The following CRTC3 variants were observed in gnomAD, a reference collection of about 807,000 sequenced individuals.
The protein encoded by CRTC3 is CREB-regulated transcription coactivator 3.
In CRTC3, 26 loss-of-function variants were observed where a neutral mutation model predicts 74.5. The ratio of observed to expected loss-of-function variants is 0.35; its 90% confidence interval spans 0.26 to 0.48. CRTC3 has a LOEUF of 0.48. Among genes scored for constraint, CRTC3 ranks in the 20% least tolerant of loss-of-function variants. The pLI is 0.99. For missense variants in CRTC3, 760 were observed against 787.3 expected, an observed-to-expected ratio of 0.97 and a Z score of 0.41; for synonymous variants, 377 against 325.8, an observed-to-expected ratio of 1.16 and a Z score of -1.69.
chr15:90,602,966 C>T (rs918238138), intron 4 of CRTC3, among the ~76,000 whole-genome samples: 1 of 151,712 alleles, frequency 6.6e-6, no homozygotes, highest in African/African-American at 2.4e-5. Context: ...GAGTGAGACT[C>T]CATCTCAAAA....
intron 2 of CRTC3, among the ~76,000 whole-genome samples, chr15:90,582,040 C>CG (rs1341240837): frequency 6.6e-6 from 1 of 152,150 alleles, no homozygotes; most frequent in Non-Finnish European, 1.5e-5. Flanking sequence ...GCCACTAGGC[C>CG]GGACTCCTGC....
At chr15:90,636,740 G>C (rs548358445) in intron 11 of CRTC3, among the ~76,000 whole-genome samples, 2 of 152,122 alleles carry the variant, frequency 1.3e-5, no homozygotes, top group African/African-American at 4.8e-5. Context: ...AAAAGTGGGC[G>C]AAGGATATGA....
intron 2 of CRTC3, among the ~76,000 whole-genome samples, chr15:90,586,116 C>T (rs1168293456): frequency 6.6e-6 from 1 of 152,144 alleles, no homozygotes; most frequent in African/African-American, 2.4e-5. Flanking sequence ...ATATGTGTTG[C>T]TCTTGCAGGA....
chr15:90,541,814 C>G (rs942785490), intron 2 of CRTC3, among the ~76,000 whole-genome samples: 4 of 115,334 alleles, frequency 3.5e-5, no homozygotes, highest in Non-Finnish European at 5.0e-5. Flanking sequence ...GAGATGGAGT[C>G]TCACTCTGTC....
rs1329885120 is a variant in CRTC3, at chr15:90,645,214, G to T, written c.*3074G>T. On this transcript the variant is annotated 3_prime_UTR_variant, in exon 15 of 15. Coordinates refer to ENST00000268184, the MANE Select transcript of CRTC3 (RefSeq NM_022769.5). ...GCAACTAATCAGACTTCCTGCCAGT[G>T]TCCTAACCCCCAGGGCACCCTGTTC... 4.4e-6 allele frequency: 1 copy of T among 229,328 alleles called. No homozygotes were observed. The highest frequency in any genetic ancestry group is 2.2e-5 in the African/African-American group (1 of 45,058). The allele number at this position is 229,328 out of a possible 1,614,324, so 14.2% of individuals were successfully genotyped here.
chr15:90,610,194 T>C (rs1056467621), intron 6 of CRTC3, among the ~76,000 whole-genome samples: 2 of 152,278 alleles, frequency 1.3e-5, no homozygotes, highest in Non-Finnish European at 2.9e-5. Flanking sequence ...TTTTGGATTT[T>C]AAAACTATCA....
chr15:90,625,740 A>G, intron 9 of CRTC3, 36 bp from the exon 10 acceptor site: 7 of 1,579,246 alleles, frequency 4.4e-6, no homozygotes, highest in Non-Finnish European at 6.1e-6. Flanking sequence ...AGCCAAATAC[A>G]TTGTAGAAAG....
chr15:90,583,513 G>A (rs1229504436), intron 2 of CRTC3, among the ~76,000 whole-genome samples: 3 of 152,270 alleles, frequency 2.0e-5, no homozygotes, highest in South Asian at 2.1e-4. Flanking sequence ...GGTCAAAAAA[G>A]GCATAGCCTC....
chr15:90,627,705 T>C (rs1346891581), intron 10 of CRTC3, among the ~76,000 whole-genome samples: 1 of 151,010 alleles, frequency 6.6e-6, no homozygotes, highest in African/African-American at 2.4e-5. Flanking sequence ...CACTGCAAGC[T>C]CTGCCTCCTA....
intron 13 of CRTC3, chr15:90,640,896 C>T: frequency 1.7e-6 from 1 of 571,580 alleles, no homozygotes; most frequent in Non-Finnish European, 3.1e-6. Context: ...TCAGGGACCC[C>T]TCCTCCACCC....
At chr15:90,545,643 C>CTCGGCTCACTGCAACCT (rs1450920352) in intron 2 of CRTC3, among the ~76,000 whole-genome samples, 1 of 151,940 alleles carries the variant, frequency 6.6e-6, no homozygotes, top group African/African-American at 2.4e-5. Context: ...GTGGCACGAT[C>CTCGGCTCACTGCAACCT]TCGGCTCACT....
chr15:90,543,384 T>C (rs1466648255), intron 2 of CRTC3, among the ~76,000 whole-genome samples: 3 of 151,850 alleles, frequency 2.0e-5, no homozygotes, highest in Non-Finnish European at 4.4e-5. Context: ...TGAATAAATA[T>C]TTTGCGAGGA....
At position 90,619,807 on chromosome 15, in the gene CRTC3, C is replaced by T; in HGVS notation, c.749+17C>T. The T allele has an allele frequency of 6.2e-7, 1 of 1,608,918 alleles. No individual in the cohort carries two copies. The highest frequency in any genetic ancestry group is 1.7e-4 in the Middle Eastern group (1 of 6,052). On this transcript the variant is annotated intron_variant, in intron 9 of 14. Coordinates refer to ENST00000268184, the MANE Select transcript of CRTC3 (RefSeq NM_022769.5). ...AGGTGGCAAGTAAGTAATATTCTTT[C>T]TGTTCGTGTTTCAGGGACTATCCTG...
chr15:90,561,113 T>C lies in CRTC3; in HGVS notation c.231+20976T>C, dbSNP rs371137242. Among the ~76,000 whole-genome samples, 11 of 152,342 alleles carry C rather than the reference T, an allele frequency of 7.2e-5. No individual in the cohort carries two copies. In the South Asian group the frequency reaches 1.2e-3, roughly 17 times the overall value. On this transcript the variant is annotated intron_variant, in intron 2 of 14. Coordinates refer to ENST00000268184, the MANE Select transcript of CRTC3 (RefSeq NM_022769.5). ...TGTCTCAGCTCACTCATCTGCAAGA[T>C]GTGGCTACTAATAGTACCTAAGATA...
chr15:90,612,025 C>CCCTCCTCCTCCTCCTCCT (rs1270789098), intron 6 of CRTC3, among the ~76,000 whole-genome samples: 6 of 76,548 alleles, frequency 7.8e-5, no homozygotes, highest in African/African-American at 3.1e-4. Context: ...AACCACCCCC[C>CCCTCCTCCTCCTCCTCCT]ACTCCTCCTC....
intron 2 of CRTC3, among the ~76,000 whole-genome samples, chr15:90,563,232 C>G (rs1206487932): frequency 6.6e-6 from 1 of 151,864 alleles, no homozygotes; most frequent in African/African-American, 2.4e-5. Flanking sequence ...ATTGAGAAAC[C>G]CTGTCTCTAC....
rs1466265101 is a variant in CRTC3 at position 90,643,462 on chromosome 15, G to A, written c.*1322G>A. 3 of 229,438 alleles carry A rather than the reference G, an allele frequency of 1.3e-5. No homozygotes were observed. The highest frequency in any genetic ancestry group is 2.6e-5 in the Non-Finnish European group (3 of 115,712). 14.2% of individuals were successfully genotyped at this position (229,438 alleles called of 1,614,324 possible). A position where few individuals can be genotyped will look rare whatever the true frequency, so the allele number is the denominator to read the frequency against. On this transcript the variant is annotated 3_prime_UTR_variant, in exon 15 of 15. Coordinates refer to ENST00000268184, the MANE Select transcript of CRTC3 (RefSeq NM_022769.5). ...GAGTACATCCGGAAGGGCTGAGCAG[G>A]TGAGTGCCCTGAGCATCCTGGCTGG...
At chr15:90,634,104 C>T (rs1480958321) in intron 11 of CRTC3, among the ~76,000 whole-genome samples, 3 of 131,880 alleles carry the variant, frequency 2.3e-5, no homozygotes, top group Non-Finnish European at 5.0e-5. Flanking sequence ...CCATCATTTA[C>T]CCTCAACAAT....
At chr15:90,538,041 A>T (rs1468045252) in intron 1 of CRTC3, among the ~76,000 whole-genome samples, 2 of 152,248 alleles carry the variant, frequency 1.3e-5, no homozygotes, top group Non-Finnish European at 2.9e-5. Flanking sequence ...GCTTTTGGGT[A>T]AGAGTTGAAG....
Sources: allele counts gnomAD v4.1 joint callset (sites outside exome capture counted in the v4.1 genomes callset), GRCh38; gene constraint gnomAD v4.1.1; transcripts MANE v1.5; gene names NCBI Gene and HGNC (gene_info 2026-07-23, HGNC 2026-07-21).